The following RORB variants were observed in gnomAD, a reference collection of about 807,000 sequenced individuals.
The protein encoded by RORB is nuclear receptor ROR-beta.
RORB carries 6 observed loss-of-function variants against 59.1 expected under a neutral mutation model. The observed-to-expected ratio is 0.10, with a 90% confidence interval of 0.06 to 0.20. The LOEUF (loss-of-function observed/expected upper bound fraction) is 0.20, where lower values mean the gene tolerates loss of function less well. RORB is among the 10% of genes least tolerant of loss of function. The probability of loss-of-function intolerance (pLI) is 1.00; values close to 1 mark genes in which losing one functional copy is unlikely to be tolerated. For synonymous variants in RORB, 215 were observed against 204.5 expected (o/e 1.05, Z -0.44); for missense variants, 320 against 560.5 (o/e 0.57, Z 4.33).
intron 1 of RORB, among the ~76,000 whole-genome samples, chr9:74,526,416 C>T (rs777402012): frequency 1.3e-5 from 2 of 151,836 alleles, no homozygotes; most frequent in Non-Finnish European, 1.5e-5. Flanking sequence ...TGGAGCTCGC[C>T]TTCCTTCCCC....
At chr9:74,664,511 TAAA>T (rs1266264415) in intron 6 of RORB, among the ~76,000 whole-genome samples, 1 of 152,106 alleles carries the variant, frequency 6.6e-6, no homozygotes, top group East Asian at 1.9e-4. Flanking sequence ...GGAGCAAAGA[TAAA>T]AAATGAATGT....
intron 1 of RORB, among the ~76,000 whole-genome samples, chr9:74,509,324 A>T (rs1825905145): frequency 6.6e-6 from 1 of 152,108 alleles, no homozygotes; most frequent in African/African-American, 2.4e-5. Context: ...TTCCATAATT[A>T]TTCCCTGGAA....
intron 9 of RORB, among the ~76,000 whole-genome samples, chr9:74,683,275 G>A (rs951031838): frequency 1.3e-5 from 2 of 152,056 alleles, no homozygotes; most frequent in Admixed American, 1.3e-4. Context: ...CTAAATTGTT[G>A]TAGTCTCCTT....
chr9:74,587,900 A>G (rs1822827334), intron 1 of RORB, among the ~76,000 whole-genome samples: 1 of 152,198 alleles, frequency 6.6e-6, no homozygotes, highest in Admixed American at 6.5e-5. Flanking sequence ...GAAATGTGCA[A>G]CATAGGGAGC....
intron 4 of RORB, among the ~76,000 whole-genome samples, chr9:74,653,608 TAGC>T (rs981558926): frequency 6.6e-6 from 1 of 152,078 alleles, no homozygotes; most frequent in African/African-American, 2.4e-5. Flanking sequence ...GCGCTATATA[TAGC>T]TCTGAGGCTC....
intron 1 of RORB, chr9:74,615,659 C>A: frequency 2.2e-6 from 1 of 452,920 alleles, no homozygotes; most frequent in Non-Finnish European, 4.4e-6. Flanking sequence ...ACATTTTCTT[C>A]TCTCTTCTGA....
chr9:74,579,138 C>T (rs564425807), intron 1 of RORB, among the ~76,000 whole-genome samples: 1 of 152,060 alleles, frequency 6.6e-6, no homozygotes, highest in Admixed American at 6.6e-5. Context: ...GACTAATAAG[C>T]AACAATTTAT....
chr9:74,588,278 C>A (rs369317537), intron 1 of RORB, among the ~76,000 whole-genome samples: 1 of 152,172 alleles, frequency 6.6e-6, no homozygotes, highest in African/African-American at 2.4e-5. Context: ...TTGGGCTAAG[C>A]CTCCTTCTGA....
chr9:74,674,402 C>T (rs75797330), intron 9 of RORB, among the ~76,000 whole-genome samples: 7,671 of 152,226 alleles, frequency 0.05, 282 homozygotes, highest in Admixed American at 0.064. Flanking sequence ...CCAGGGGCTC[C>T]GGTGAAATCG....
chr9:74,643,061 A>G (rs1162586096), intron 4 of RORB, among the ~76,000 whole-genome samples: 1 of 152,230 alleles, frequency 6.6e-6, no homozygotes, highest in Non-Finnish European at 1.5e-5. Flanking sequence ...ATCTGTAAAG[A>G]ACAGATGCTA....
chr9:74,669,245 G>A (rs754817952), intron 8 of RORB, among the ~76,000 whole-genome samples: 1 of 152,168 alleles, frequency 6.6e-6, no homozygotes, highest in African/African-American at 2.4e-5. Context: ...TCGGGAGGCC[G>A]AGGCCAGCGG....
chr9:74,644,036 A>G (rs1823854745), intron 4 of RORB, among the ~76,000 whole-genome samples: 1 of 152,230 alleles, frequency 6.6e-6, no homozygotes, highest in Admixed American at 6.5e-5. Context: ...TTACTGTTTT[A>G]TGCTACATGC....
chr9:74,519,140 G>T (rs1458777403), intron 1 of RORB, among the ~76,000 whole-genome samples: 1 of 151,952 alleles, frequency 6.6e-6, no homozygotes, highest in Non-Finnish European at 1.5e-5. Context: ...TGAGGAAAAA[G>T]CTCAAAGGCC....
intron 4 of RORB, among the ~76,000 whole-genome samples, chr9:74,651,645 G>C (rs1823995161): frequency 6.6e-6 from 1 of 152,074 alleles, no homozygotes; most frequent in African/African-American, 2.4e-5. Flanking sequence ...CTTGCAGATG[G>C]AGGATCAAAC....
At position 74,671,833 on chromosome 9, in the gene RORB, G is replaced by A. The variant is rs775496473; in HGVS notation, c.1156G>A (p.Glu386Lys). 1.2e-6 allele frequency: 2 copies of A among 1,612,844 alleles called. No individual in the cohort carries two copies. Among genetic ancestry groups the A allele is most frequent in the East Asian group, 2.2e-5 (1 of 44,820 alleles). ...IEPRKVQKLQ[E>K]KIYFALQHVI... is the part of the protein sequence containing the mutation. The stretch of plus-strand genomic sequence containing the variant: ...ACCAAGGAAAGTCCAGAAGCTTCAG[G>A]AAAAAATTTATTTTGCACTTCAACA... Residue 386 changes from glutamate to lysine, a missense_variant, in exon 9 of 10, where the codon GAA becomes AAA. Physicochemically the swap from Glu to Lys is moderately conservative, Grantham distance 56 (BLOSUM62 1). This residue lies in a region of RORB where 109 missense variants were observed against 171.0 expected (regional missense o/e 0.64). Transcript: ENST00000376896.
At chr9:74,571,851 T>C (rs752603353) in intron 1 of RORB, among the ~76,000 whole-genome samples, 1 of 152,266 alleles carries the variant, frequency 6.6e-6, no homozygotes, top group East Asian at 1.9e-4. Context: ...TTGTAGTAAA[T>C]GCTTTCTGAG....
intron 1 of RORB, among the ~76,000 whole-genome samples, chr9:74,581,335 GTGCTCTAC>G (rs1822720054): frequency 6.6e-6 from 1 of 152,106 alleles, no homozygotes; most frequent in African/African-American, 2.4e-5. Context: ...CATTCTCCAT[GTGCTCTAC>G]TGCTACATCA....
chr9:74,617,399 T>C (rs1201336333), intron 1 of RORB, among the ~76,000 whole-genome samples: 1 of 152,130 alleles, frequency 6.6e-6, no homozygotes, highest in African/African-American at 2.4e-5. Flanking sequence ...TTATACAGAG[T>C]GATGTTGTCT....
rs1027947065 is a variant in RORB, at chr9:74,688,441, G to T, written c.*2823G>T. The T allele has an allele frequency of 6.6e-6, 1 of 152,036 alleles. No individual in the cohort carries two copies. Among genetic ancestry groups the T allele is most frequent in the African/African-American group, 2.4e-5 (1 of 41,390 alleles). 9.4% of individuals were successfully genotyped at this position (152,036 alleles called of 1,614,324 possible). Reference sequence around the variant, plus strand: ...CAGAACTTGGTTCCTTCCCCATGAGGACTAACAAATGTTCACAACAATCAT... The same window carrying T: ...CAGAACTTGGTTCCTTCCCCATGAGTACTAACAAATGTTCACAACAATCAT... On this transcript the variant is annotated 3_prime_UTR_variant, in exon 10 of 10. Transcript: ENST00000376896.
Sources: allele counts gnomAD v4.1 joint callset (sites outside exome capture counted in the v4.1 genomes callset), GRCh38; gene constraint gnomAD v4.1.1; regional missense constraint gnomAD v4.1.1; transcripts MANE v1.5; gene names NCBI Gene and HGNC (gene_info 2026-07-23, HGNC 2026-07-21).